Variants in TFDP1 observed in about 807,000 individuals in gnomAD.
TFDP1 encodes the protein DRTF1-polypeptide 1.
A neutral mutation model predicts 48.0 loss-of-function variants in TFDP1; 6 were observed. The ratio of observed to expected loss-of-function variants is 0.13; its 90% CI spans 0.07 to 0.25. The LOEUF is 0.25. Ranked by LOEUF, TFDP1 falls within the 10% of genes least tolerant of loss-of-function variation. The pLI is 1.00. For missense variants in TFDP1, 335 were observed against 543.0 expected (o/e 0.62, Z 3.81); for synonymous variants, 201 against 211.6 (o/e 0.95, Z 0.44).
At chr13:113,637,732 G>T in intron 10 of TFDP1, 86 bp from the exon 11 acceptor site, 1 of 1,609,998 alleles carries the variant, frequency 6.2e-7, no homozygotes, top group Non-Finnish European at 8.5e-7. Context: ...CTGTCCTGTG[G>T]AACTGCGCGT....
At chr13:113,608,147 A>T (rs2048615539) in intron 2 of TFDP1, among the ~76,000 whole-genome samples, 1 of 152,020 alleles carries the variant, frequency 6.6e-6, no homozygotes, top group Admixed American at 6.5e-5. Flanking sequence ...GGGGTCTTCC[A>T]CATGCCCTGC....
At chr13:113,631,422 G>T (rs1395133465) in intron 4 of TFDP1, among the ~76,000 whole-genome samples, 2 of 152,182 alleles carry the variant, frequency 1.3e-5, no homozygotes, top group Non-Finnish European at 2.9e-5. Flanking sequence ...AGAGGAAGAT[G>T]AGCCACATTC....
intron 4 of TFDP1, among the ~76,000 whole-genome samples, chr13:113,629,869 C>T (rs184273680): frequency 5.9e-5 from 9 of 152,288 alleles, no homozygotes; most frequent in South Asian, 2.1e-4. Context: ...CAGTGCCTTG[C>T]GTGGTCCTGG....
intron 2 of TFDP1, among the ~76,000 whole-genome samples, chr13:113,600,802 T>C (rs1300624106): frequency 7.0e-6 from 1 of 142,558 alleles, no homozygotes; most frequent in East Asian, 2.0e-4. Flanking sequence ...TCCTTGCACG[T>C]AGGGCTACAG....
At chr13:113,602,455 C>T (rs2048461086) in intron 2 of TFDP1, among the ~76,000 whole-genome samples, 1 of 150,844 alleles carries the variant, frequency 6.6e-6, no homozygotes, top group Admixed American at 6.6e-5. Flanking sequence ...AGGCGGGGCC[C>T]ATCCCAGCTG....
At chr13:113,617,553 TGC>T in intron 3 of TFDP1, among the ~76,000 whole-genome samples, 1 of 134,934 alleles carries the variant, frequency 7.4e-6, no homozygotes, top group African/African-American at 3.7e-5. Flanking sequence ...GCCGCTCACC[TGC>T]AGAACCCTTC....
At chr13:113,619,592 A>G (rs1478535135) in intron 3 of TFDP1, among the ~76,000 whole-genome samples, 1 of 151,718 alleles carries the variant, frequency 6.6e-6, no homozygotes, top group Non-Finnish European at 1.5e-5. Flanking sequence ...AGATGTATTC[A>G]GGGAGGGGCC....
At chr13:113,634,132 T>G (rs768551228) in intron 7 of TFDP1, 99 bp downstream of exon 7, 1 of 1,530,524 alleles carries the variant, frequency 6.5e-7, no homozygotes, top group Non-Finnish European at 9.0e-7. Context: ...CGTGCCCTTA[T>G]GCTCTCTGTG....
chr13:113,634,483 C>T, intron 7 of TFDP1, 51 bp from the exon 8 acceptor site: 2 of 1,529,590 alleles, frequency 1.3e-6, no homozygotes, highest in East Asian at 2.3e-5. Flanking sequence ...TTAAAAAACG[C>T]TCTGTGGAAC....
At chr13:113,602,342 G>C (rs115682184) in intron 2 of TFDP1, among the ~76,000 whole-genome samples, 1,550 of 152,194 alleles carry the variant, frequency 0.01, 30 homozygotes, top group African/African-American at 0.035. Flanking sequence ...TTACCTGCAG[G>C]AGTCGAGAGG....
intron 2 of TFDP1, among the ~76,000 whole-genome samples, chr13:113,587,133 T>C (rs530476389): frequency 2.0e-5 from 3 of 152,158 alleles, no homozygotes; most frequent in Non-Finnish European, 4.4e-5. Context: ...GGGGCCCTCT[T>C]TCATTCCCCC....
At chr13:113,634,248 A>C (rs954903426) in intron 7 of TFDP1, 14 of 699,340 alleles carry the variant, frequency 2.0e-5, no homozygotes, top group African/African-American at 3.6e-5. Flanking sequence ...GTTAAACTCT[A>C]GTGTAGGTTA....
intron 8 of TFDP1, among the ~76,000 whole-genome samples, chr13:113,635,142 T>C (rs1250819522): frequency 6.6e-6 from 1 of 152,148 alleles, no homozygotes; most frequent in African/African-American, 2.4e-5. Context: ...GAGCTGGCCT[T>C]CCCCACCTCC....
intron 2 of TFDP1, among the ~76,000 whole-genome samples, chr13:113,597,657 G>A (rs2048318675): frequency 2.0e-5 from 3 of 152,206 alleles, no homozygotes; most frequent in Non-Finnish European, 4.4e-5. Flanking sequence ...AACTTGGATG[G>A]ATTCAAAAGA....
chr13:113,634,525 T>C lies in TFDP1; in HGVS notation c.619-9T>C, dbSNP rs369026925. On this transcript the variant is annotated splice_polypyrimidine_tract_variant and intron_variant, in intron 7 of 11. Transcript: ENST00000375370. ...GATGATTCTTCACATGGGTGGTTTGTTTTTGAAGGTGGAAAGACAGAGGAG... is the reference window on the plus strand; with the variant it reads ...GATGATTCTTCACATGGGTGGTTTGCTTTTGAAGGTGGAAAGACAGAGGAG... 17 of 1,610,954 alleles carry C rather than the reference T, an allele frequency of 1.1e-5. No homozygotes were observed. The African/African-American group carries it at 2.1e-4, about 20-fold the overall frequency.
chr13:113,614,514 C>T (rs1469119443), intron 3 of TFDP1, among the ~76,000 whole-genome samples: 1 of 152,150 alleles, frequency 6.6e-6, no homozygotes, highest in African/African-American at 2.4e-5. Context: ...GCTGTAGAGG[C>T]CTCCCTTGAG....
At chr13:113,592,481 A>G (rs560998494) in intron 2 of TFDP1, among the ~76,000 whole-genome samples, 27 of 152,314 alleles carry the variant, frequency 1.8e-4, no homozygotes, top group African/African-American at 6.0e-4. Context: ...TCTATGGTCC[A>G]GTTTCTAAGG....
chr13:113,585,748 C>T (rs566204706), intron 1 of TFDP1, 26 bp from the exon 2 acceptor site: 43 of 1,210,136 alleles, frequency 3.6e-5, no homozygotes, highest in African/African-American at 3.1e-4. Flanking sequence ...CTTGTTTTTC[C>T]TTACTTTTTT....
intron 2 of TFDP1, among the ~76,000 whole-genome samples, chr13:113,586,570 C>T (rs1210172563): frequency 1.3e-5 from 2 of 152,194 alleles, no homozygotes; most frequent in Non-Finnish European, 2.9e-5. Flanking sequence ...CGTTTTGTAA[C>T]TGAGTGAAAG....
Sources: gnomAD v4.1 joint callset for allele counts (sites outside exome capture counted in the v4.1 genomes callset) on GRCh38, gnomAD v4.1.1 for gene constraint, MANE v1.5 for transcripts, NCBI Gene and HGNC (gene_info 2026-07-23, HGNC 2026-07-21) for gene names.